Variants in MTCL2 observed in about 807,000 individuals in gnomAD.
The protein encoded by MTCL2 is microtubule cross-linking factor 2.
the MTCL2 span, among the ~76,000 whole-genome samples, chr20:36,843,410 GA>G: frequency 9.2e-5 from 14 of 152,156 alleles, no homozygotes; most frequent in Non-Finnish European, 1.8e-4. Flanking sequence ...GGGCTGCAGA[GA>G]ACAGTCACTT....
chr20:36,805,171 A>G, the MTCL2 span, among the ~76,000 whole-genome samples: 2 of 152,156 alleles, frequency 1.3e-5, no homozygotes, highest in Non-Finnish European at 2.9e-5. Flanking sequence ...GAGCTGAATC[A>G]TCTGGCTTCT....
the MTCL2 span, among the ~76,000 whole-genome samples, chr20:36,813,746 C>G: frequency 1.1e-4 from 7 of 65,364 alleles, no homozygotes; most frequent in African/African-American, 4.5e-4. Context: ...GAGTAAGACT[C>G]TGTCTCAAAA....
the MTCL2 span, chr20:36,817,462 A>G: frequency 6.4e-7 from 1 of 1,572,674 alleles, no homozygotes; most frequent in Non-Finnish European, 8.6e-7. Context: ...TCTTTTCTTC[A>G]AGGAATGCTG....
At chr20:36,821,385 G>A in the MTCL2 span, among the ~76,000 whole-genome samples, 3 of 152,044 alleles carry the variant, frequency 2.0e-5, no homozygotes, top group Non-Finnish European at 4.4e-5. Context: ...AAAATTAGCC[G>A]GGCATGGTGG....
At chr20:36,832,061 C>A in the MTCL2 span, among the ~76,000 whole-genome samples, 1 of 152,212 alleles carries the variant, frequency 6.6e-6, no homozygotes, top group African/African-American at 2.4e-5. Context: ...AGCAGCGCAG[C>A]GTCAGGCACA....
At chr20:36,816,119 C>T in the MTCL2 span, 7 of 1,613,624 alleles carry the variant, frequency 4.3e-6, no homozygotes, top group Admixed American at 1.7e-5. Flanking sequence ...CGGTCTCCCG[C>T]GAGTGGGGGG....
chr20:36,852,051 T>C, the MTCL2 span, among the ~76,000 whole-genome samples: 33 of 152,090 alleles, frequency 2.2e-4, no homozygotes, highest in Admixed American at 3.3e-4. Context: ...CTTACCCAAA[T>C]GTACCACCTC....
chr20:36,832,768 A>G, the MTCL2 span, among the ~76,000 whole-genome samples: 1 of 152,104 alleles, frequency 6.6e-6, no homozygotes, highest in Non-Finnish European at 1.5e-5. Flanking sequence ...GCTTGAACCC[A>G]GGAGACGGAG....
the MTCL2 span, chr20:36,794,578 C>T: frequency 6.2e-6 from 10 of 1,614,002 alleles, no homozygotes; most frequent in Non-Finnish European, 8.5e-6. The surrounding 1 kb of genome is among the most constrained non-coding windows in gnomAD (Gnocchi z 5.4). Flanking sequence ...CAAACTCAGA[C>T]ATGGAAGAAA....
the MTCL2 span, among the ~76,000 whole-genome samples, chr20:36,822,913 A>G: frequency 1.3e-5 from 2 of 152,208 alleles, 1 homozygote; most frequent in African/African-American, 4.8e-5. Context: ...GTGCACCACC[A>G]TATCTGGCTA....
At chr20:36,823,294 C>A in the MTCL2 span, among the ~76,000 whole-genome samples, 2 of 152,198 alleles carry the variant, frequency 1.3e-5, no homozygotes, top group African/African-American at 4.8e-5. Flanking sequence ...CTGCTCCTTT[C>A]CCGGGCAACT....
the MTCL2 span, chr20:36,785,738 G>T: frequency 3.0e-6 from 3 of 985,424 alleles, no homozygotes; most frequent in South Asian, 4.7e-5. Flanking sequence ...GAACGTTGGG[G>T]CCCCAAGTCA....
At chr20:36,789,263 T>C in the MTCL2 span, among the ~76,000 whole-genome samples, 1 of 152,132 alleles carries the variant, frequency 6.6e-6, no homozygotes, top group Admixed American at 6.5e-5. Flanking sequence ...TATATGGAAG[T>C]GATGGTTAAT....
the MTCL2 span, chr20:36,815,179 G>C: frequency 6.2e-7 from 1 of 1,613,250 alleles, no homozygotes; most frequent in East Asian, 2.2e-5. This position sits in a 1 kb window ranked among gnomAD's most constrained non-coding sequence, Gnocchi z 5.3. Flanking sequence ...GAGAGCCCCT[G>C]GGAGCCCAAG....
chr20:36,779,546 G>C, the MTCL2 span: 1 of 152,320 alleles, frequency 6.6e-6, no homozygotes, highest in Non-Finnish European at 1.5e-5. Flanking sequence ...CCGGGGGGTT[G>C]CTGGGGCAGG....
the MTCL2 span, among the ~76,000 whole-genome samples, chr20:36,861,962 G>C: frequency 6.6e-6 from 1 of 152,252 alleles, no homozygotes; most frequent in African/African-American, 2.4e-5. Flanking sequence ...CTGGCCACGA[G>C]GGGCCAATGG....
the MTCL2 span, chr20:36,794,557 G>T: frequency 6.2e-7 from 1 of 1,614,002 alleles, no homozygotes; most frequent in Non-Finnish European, 8.5e-7. The surrounding 1 kb of genome is among the most constrained non-coding windows in gnomAD (Gnocchi z 5.4). Flanking sequence ...GGGAACAGTC[G>T]AGCAAACTTT....
chr20:36,841,872 G>GGGGGGGGTGT, the MTCL2 span, among the ~76,000 whole-genome samples: 1 of 71,478 alleles, frequency 1.4e-5, no homozygotes, highest in Middle Eastern at 5.8e-3. Context: ...GGTGGGGGGT[G>GGGGGGGGTGT]GGGTGTGTGT....
the MTCL2 span, among the ~76,000 whole-genome samples, chr20:36,840,833 G>A: frequency 0.29 from 44,490 of 151,178 alleles, 7,396 homozygotes; most frequent in Middle Eastern, 0.43. Context: ...GCGACAGAGC[G>A]AGACTCCGTC....
Sources: gnomAD v4.1 joint callset for allele counts (sites outside exome capture counted in the v4.1 genomes callset) on GRCh38, gnomAD v4.1.1 for gene constraint, Gnocchi (gnomAD v3.1) non-coding constraint, MANE v1.5 for transcripts, NCBI Gene and HGNC (gene_info 2026-07-23, HGNC 2026-07-21) for gene names.